SDK1: variants seen among roughly 807,000 people sequenced by gnomAD.
The protein encoded by SDK1 is protein sidekick-1.
A neutral mutation model predicts 245.5 loss-of-function variants in SDK1; 157 were observed. That is an observed-to-expected ratio of 0.64 (90% CI 0.56 to 0.73). The LOEUF is 0.73. SDK1 is among the 30% of genes least tolerant of loss of function. The pLI, the probability that SDK1 is intolerant of heterozygous loss-of-function variation, is 0.00. For missense variants in SDK1, 3,583 were observed against 3,002.3 expected, an observed-to-expected ratio of 1.19 and a Z score of -4.52; for synonymous variants, 1,647 against 1,278.5, an observed-to-expected ratio of 1.29 and a Z score of -6.15.
intron 1 of SDK1, among the ~76,000 whole-genome samples, chr7:3,381,546 T>G (rs952333912): frequency 3.9e-5 from 6 of 151,996 alleles, no homozygotes; most frequent in Admixed American, 6.5e-5. Flanking sequence ...AAAGCCTTTT[T>G]GTGTTGGTTG....
intron 30 of SDK1, among the ~76,000 whole-genome samples, 199 bp downstream of exon 30, chr7:4,149,662 C>G (rs1780223493): frequency 6.6e-6 from 1 of 152,202 alleles, no homozygotes; most frequent in Admixed American, 6.5e-5. Flanking sequence ...GGCCCACCCC[C>G]AGCCGCTTCC....
chr7:3,926,736 T>G (rs796840325), intron 5 of SDK1, among the ~76,000 whole-genome samples: 24 of 152,360 alleles, frequency 1.6e-4, no homozygotes, highest in African/African-American at 5.1e-4. Context: ...GCCACCACTT[T>G]CTACGACTCC....
chr7:3,501,225 G>A (rs1322742585), intron 1 of SDK1, among the ~76,000 whole-genome samples: 1 of 152,058 alleles, frequency 6.6e-6, no homozygotes, highest in Non-Finnish European at 1.5e-5. Flanking sequence ...TCTTTTCTTA[G>A]TATCTTTAGA....
intron 4 of SDK1, 61 bp downstream of exon 4, chr7:3,642,166 C>G (rs1034247433): frequency 4.6e-6 from 7 of 1,511,704 alleles, no homozygotes; most frequent in Non-Finnish European, 5.5e-6. Context: ...CTGGCACCAT[C>G]TACACAGTAA....
chr7:3,793,156 T>G (rs957236329), intron 4 of SDK1, among the ~76,000 whole-genome samples: 1 of 152,180 alleles, frequency 6.6e-6, no homozygotes, highest in African/African-American at 2.4e-5. Flanking sequence ...TTTAAAAAGT[T>G]ATATTTCCAT....
At chr7:3,386,062 A>G (rs1260815647) in intron 1 of SDK1, among the ~76,000 whole-genome samples, 1 of 152,180 alleles carries the variant, frequency 6.6e-6, no homozygotes, top group Non-Finnish European at 1.5e-5. Context: ...AACGATGGGA[A>G]AATGTTTCTC....
At chr7:3,552,733 G>C (rs533458081) in intron 1 of SDK1, among the ~76,000 whole-genome samples, 3 of 152,246 alleles carry the variant, frequency 2.0e-5, no homozygotes, top group Admixed American at 6.5e-5. Flanking sequence ...GGTCATTCTA[G>C]GGGTTGAGGG....
chr7:3,878,270 CA>C (rs1460052712), intron 5 of SDK1, among the ~76,000 whole-genome samples: 2 of 152,112 alleles, frequency 1.3e-5, no homozygotes, highest in Non-Finnish European at 2.9e-5. Flanking sequence ...CCTGTAATCC[CA>C]GCCCTTTGGG....
intron 5 of SDK1, among the ~76,000 whole-genome samples, chr7:3,866,017 T>C (rs1282667543): frequency 6.6e-6 from 1 of 152,074 alleles, no homozygotes; most frequent in Non-Finnish European, 1.5e-5. Context: ...ATGCGAAGGA[T>C]GAGATGGGAT....
chr7:4,122,082 G>C (rs12701405), intron 25 of SDK1, among the ~76,000 whole-genome samples: 103,782 of 151,930 alleles, frequency 0.68, 36,461 homozygotes, highest in East Asian at 0.89. Flanking sequence ...ATCTCTGCCC[G>C]TCCTACCACC....
At chr7:3,375,837 A>G (rs1324621461) in intron 1 of SDK1, among the ~76,000 whole-genome samples, 1 of 152,198 alleles carries the variant, frequency 6.6e-6, no homozygotes, top group Non-Finnish European at 1.5e-5. Context: ...AGAGCCACAG[A>G]ACTAAGCTGC....
intron 5 of SDK1, among the ~76,000 whole-genome samples, chr7:3,852,192 A>G (rs188318712): frequency 1.1e-3 from 154 of 144,432 alleles, no homozygotes; most frequent in Non-Finnish European, 2.1e-3. Flanking sequence ...TTTTTTTTTT[A>G]ACTTGAGATT....
intron 4 of SDK1, among the ~76,000 whole-genome samples, chr7:3,710,217 C>T (rs576216699): frequency 6.6e-6 from 1 of 152,244 alleles, no homozygotes; most frequent in East Asian, 1.9e-4. Flanking sequence ...ATGCTGCTGT[C>T]CCACATGTGT....
intron 13 of SDK1, among the ~76,000 whole-genome samples, chr7:3,979,434 C>T (rs975911854): frequency 6.6e-6 from 1 of 152,184 alleles, no homozygotes; most frequent in Non-Finnish European, 1.5e-5. Flanking sequence ...TGACACTAGA[C>T]TCGAGATGTG....
chr7:3,366,335 C>G (rs1281873062), intron 1 of SDK1, among the ~76,000 whole-genome samples: 4 of 151,724 alleles, frequency 2.6e-5, no homozygotes, highest in African/African-American at 9.7e-5. Flanking sequence ...AGTCTATGGT[C>G]TCTGGTCTCC....
chr7:3,883,320 G>C lies in SDK1; in HGVS notation c.847+61737G>C, dbSNP rs192016356. Among the ~76,000 whole-genome samples, 4 of 152,312 alleles carry C rather than the reference G, an allele frequency of 2.6e-5. No homozygotes were observed. In the East Asian group the frequency reaches 7.7e-4, roughly 29 times the overall value. On this transcript the variant is annotated intron_variant, in intron 5 of 44. Transcript: ENST00000404826. ...TATAGCCCTTTGCTCTGTCTCAATA[G>C]AATTTATAAAGACAAGATTGATCTC... is the stretch of plus-strand genomic sequence containing the variant.
At position 4,241,904 on chromosome 7, in the gene SDK1, A is replaced by G. The variant is rs1395391487; in HGVS notation, c.6242A>G (p.Asn2081Ser). 1 of 1,613,472 alleles carries G rather than the reference A, an allele frequency of 6.2e-7. No individual in the cohort carries two copies. The highest frequency in any genetic ancestry group is 1.7e-5 in the Admixed American group (1 of 60,028). Reference sequence around the variant, plus strand: ...GTCAAGAGCACCTTCTCCAAGAAGAACGGGACCAGGTAGGCAGGCAGTGCT... The same window carrying G: ...GTCAAGAGCACCTTCTCCAAGAAGAGCGGGACCAGGTAGGCAGGCAGTGCT... The part of the protein sequence containing the change: ...LNVKSTFSKK[N>S]GTRSPPRPSP... The change falls in exon 43 of 45, where the codon AAC becomes AGC. Residue 2081 changes from asparagine (N) to serine (S), a missense_variant. Coordinates refer to ENST00000404826, the MANE Select transcript of SDK1 (RefSeq NM_152744.4).
intron 5 of SDK1, among the ~76,000 whole-genome samples, chr7:3,903,976 C>T (rs1781879986): frequency 6.6e-6 from 1 of 152,164 alleles, no homozygotes; most frequent in South Asian, 2.1e-4. Context: ...TCCCCTTCCA[C>T]CATGAGTGGA....
At chr7:3,916,231 A>C (rs1031394840) in intron 5 of SDK1, among the ~76,000 whole-genome samples, 5 of 152,232 alleles carry the variant, frequency 3.3e-5, no homozygotes, top group African/African-American at 1.2e-4. Flanking sequence ...GTGGATCTAC[A>C]TTTTACATGT....
Sources: gnomAD v4.1 joint callset for allele counts (sites outside exome capture counted in the v4.1 genomes callset) on GRCh38, gnomAD v4.1.1 for gene constraint, MANE v1.5 for transcripts, NCBI Gene and HGNC (gene_info 2026-07-23, HGNC 2026-07-21) for gene names.